The following SLC16A7 variants were observed in gnomAD, a reference collection of about 807,000 sequenced individuals.
SLC16A7 encodes the protein solute carrier family 16 member 7, also known as monocarboxylate transporter 2.
Under a neutral mutation model 34.9 loss-of-function variants are expected in SLC16A7, and 33 were observed. The observed-to-expected ratio is 0.94, with a 90% CI of 0.72 to 1.26. The LOEUF (loss-of-function observed/expected upper bound fraction) is 1.26. Ranked by LOEUF, SLC16A7 falls within the 50% of genes most tolerant of loss-of-function variation. The pLI, the probability that SLC16A7 is intolerant of heterozygous loss-of-function variation, is 0.00. For missense variants in SLC16A7, 573 were observed against 578.1 expected, an observed-to-expected ratio of 0.99 and a Z score of 0.09; for synonymous variants, 201 against 206.6, an observed-to-expected ratio of 0.97 and a Z score of 0.23.
At chr12:59,756,108 A>C (rs947567943) in intron 3 of SLC16A7, among the ~76,000 whole-genome samples, 1 of 152,220 alleles carries the variant, frequency 6.6e-6, no homozygotes, top group Admixed American at 6.5e-5. Flanking sequence ...AAATTAATTC[A>C]AGATGGATTA....
chr12:59,776,643 T>C (rs945648153), intron 5 of SLC16A7, among the ~76,000 whole-genome samples: 5 of 152,158 alleles, frequency 3.3e-5, no homozygotes, highest in Admixed American at 3.3e-4. Context: ...AAGTTATGTT[T>C]AATTTGTTAA....
intron 2 of SLC16A7, among the ~76,000 whole-genome samples, chr12:59,696,895 C>T (rs1872364105): frequency 6.6e-6 from 1 of 151,852 alleles, no homozygotes; most frequent in African/African-American, 2.4e-5. Context: ...CCATAGTTAT[C>T]ATTCAAATCA....
At chr12:59,600,572 A>T (rs762619885) in intron 1 of SLC16A7, among the ~76,000 whole-genome samples, 16 of 152,178 alleles carry the variant, frequency 1.1e-4, no homozygotes, top group Non-Finnish European at 2.1e-4. Context: ...GTTTAAAATC[A>T]TAATATGAGA....
chr12:59,602,952 T>C (rs1592378989), intron 1 of SLC16A7, among the ~76,000 whole-genome samples: 1 of 152,290 alleles, frequency 6.6e-6, no homozygotes, highest in Non-Finnish European at 1.5e-5. Context: ...CAGCTTCTCT[T>C]TACTGTGCTT....
chr12:59,610,508 A>G (rs887756020), intron 1 of SLC16A7, among the ~76,000 whole-genome samples: 1 of 152,188 alleles, frequency 6.6e-6, no homozygotes, highest in Non-Finnish European at 1.5e-5. Flanking sequence ...ATTATACCTT[A>G]TTAAAGAGGT....
At chr12:59,598,749 T>G (rs1878543770) in intron 1 of SLC16A7, among the ~76,000 whole-genome samples, 1 of 152,242 alleles carries the variant, frequency 6.6e-6, no homozygotes, top group Non-Finnish European at 1.5e-5. Flanking sequence ...TGAATTGATT[T>G]CCATTATTTG....
Position 59,596,729 on chromosome 12 carries a change from G to T in SLC16A7, c.-130+493G>T, listed in dbSNP as rs1210638547. 1.3e-5 allele frequency among the ~76,000 whole-genome samples: 2 copies of T among 152,102 alleles called. No homozygotes were observed. The highest frequency in any genetic ancestry group is 6.5e-5 in the Admixed American group (1 of 15,282). ...CATTGCCGCAGAAGGTGGAGGCGGG[G>T]GTGGAGTGTGTGGAGAGAACGTCTT... On this transcript the variant is annotated intron_variant, in intron 1 of 5. Transcript: ENST00000547379. This position sits in a 1 kb window ranked among gnomAD's most constrained non-coding sequence, Gnocchi z 5.0.
At chr12:59,722,917 T>C (rs1224496110) in intron 3 of SLC16A7, among the ~76,000 whole-genome samples, 6 of 152,090 alleles carry the variant, frequency 3.9e-5, no homozygotes, top group Middle Eastern at 3.4e-3. Context: ...TAGTCACATG[T>C]AGCTATTAAA....
At chr12:59,617,966 G>T (rs958650078) in intron 1 of SLC16A7, among the ~76,000 whole-genome samples, 1 of 151,694 alleles carries the variant, frequency 6.6e-6, no homozygotes, top group Non-Finnish European at 1.5e-5. Flanking sequence ...TCATTTCCTG[G>T]TAAAAGCTTT....
chr12:59,702,776 A>G (rs746815570), intron 2 of SLC16A7, among the ~76,000 whole-genome samples: 1 of 152,086 alleles, frequency 6.6e-6, no homozygotes, highest in Non-Finnish European at 1.5e-5. Flanking sequence ...AGAGGATGTA[A>G]TAAAAATGCC....
Position 59,782,572 on chromosome 12 carries a change from T to C in SLC16A7, c.*2893T>C, listed in dbSNP as rs1883322357. 1 of 152,176 alleles carries C rather than the reference T, an allele frequency of 6.6e-6. No homozygotes were observed. 9.4% of individuals were successfully genotyped at this position (152,176 alleles called of 1,614,324 possible). On this transcript the variant is annotated 3_prime_UTR_variant, in exon 6 of 6. Transcript: ENST00000547379. ...AATCTCTATTCCCACATTATGAAAT[T>C]GTACAGAAGAAAGGGTGTCATTAAA... is the stretch of plus-strand genomic sequence containing the variant.
intron 1 of SLC16A7, among the ~76,000 whole-genome samples, chr12:59,624,065 A>G (rs2136984597): frequency 6.6e-6 from 1 of 151,640 alleles, no homozygotes; most frequent in East Asian, 1.9e-4. Flanking sequence ...ACTAATCATC[A>G]TCTTTAGGTT....
intron 2 of SLC16A7, among the ~76,000 whole-genome samples, chr12:59,689,151 C>T (rs1256685483): frequency 6.6e-6 from 1 of 151,868 alleles, no homozygotes; most frequent in Non-Finnish European, 1.5e-5. Context: ...CTTTCCTAAT[C>T]ATTATTTAAT....
chr12:59,615,024 A>T (rs1879383754), intron 1 of SLC16A7, among the ~76,000 whole-genome samples: 1 of 150,794 alleles, frequency 6.6e-6, no homozygotes, highest in Non-Finnish European at 1.5e-5. Flanking sequence ...AAATAAAAAT[A>T]AATAAATAAA....
intron 1 of SLC16A7, among the ~76,000 whole-genome samples, chr12:59,617,243 A>G (rs561170454): frequency 4.6e-5 from 7 of 152,132 alleles, no homozygotes; most frequent in African/African-American, 1.4e-4. Context: ...ATTCCTTCTT[A>G]TTAAATATAT....
chr12:59,757,857 G>T (rs1880569388), intron 3 of SLC16A7, among the ~76,000 whole-genome samples: 1 of 152,004 alleles, frequency 6.6e-6, no homozygotes, highest in Admixed American at 6.5e-5. Context: ...TTTCTTAATT[G>T]CATTTTCTTT....
chr12:59,716,600 A>C (rs1478376068), intron 3 of SLC16A7, among the ~76,000 whole-genome samples: 2 of 152,126 alleles, frequency 1.3e-5, no homozygotes, highest in East Asian at 3.9e-4. Context: ...GTAATCCCAG[A>C]ACTTTGAGAG....
chr12:59,722,189 G>T (rs2137207385), intron 3 of SLC16A7, among the ~76,000 whole-genome samples: 1 of 152,032 alleles, frequency 6.6e-6, no homozygotes, highest in East Asian at 1.9e-4. Context: ...CTCCAAACCT[G>T]TTGATCAGGT....
chr12:59,747,410 CA>C (rs1443153979), intron 3 of SLC16A7, among the ~76,000 whole-genome samples: 1 of 152,070 alleles, frequency 6.6e-6, no homozygotes, highest in African/African-American at 2.4e-5. Flanking sequence ...TTAAGGGTTT[CA>C]AATTAAAAAA....
Sources: allele counts gnomAD v4.1 joint callset (sites outside exome capture counted in the v4.1 genomes callset), GRCh38; gene constraint gnomAD v4.1.1; non-coding constraint Gnocchi (gnomAD v3.1); transcripts MANE v1.5; gene names NCBI Gene and HGNC (gene_info 2026-07-23, HGNC 2026-07-21).